The following DNAH12 variants were observed in gnomAD, a reference collection of about 807,000 sequenced individuals.
DNAH12 encodes the protein dynein axonemal heavy chain 12, also known as axonemal beta dynein heavy chain 12.
In DNAH12, 285 loss-of-function variants were observed where a neutral mutation model predicts 371.5. The observed-to-expected ratio is 0.77, with a 90% confidence interval of 0.70 to 0.85. The LOEUF is 0.85. Ranked by LOEUF, DNAH12 falls within the 40% of genes least tolerant of loss-of-function variation. The probability of loss-of-function intolerance (pLI) is 0.00; values close to 1 mark genes in which losing one functional copy is unlikely to be tolerated. For synonymous variants in DNAH12, 1,200 were observed against 1,213.0 expected (o/e 0.99, Z 0.22); for missense variants, 3,611 against 3,689.4 (o/e 0.98, Z 0.55).
chr3:57,294,059 G>C, intron 73 of DNAH12, 88 bp from the exon 74 acceptor site: 2 of 1,156,454 alleles, frequency 1.7e-6, no homozygotes, highest in Non-Finnish European at 1.2e-6. Context: ...TAATAAAATG[G>C]CCAGAACTAA....
intron 39 of DNAH12, among the ~76,000 whole-genome samples, chr3:57,409,117 C>T (rs2064127788): frequency 6.6e-6 from 1 of 151,876 alleles, no homozygotes; most frequent in Admixed American, 6.6e-5. Context: ...AGAAAGGGAC[C>T]CATTAGGGAA....
intron 13 of DNAH12, among the ~76,000 whole-genome samples, chr3:57,473,323 C>T (rs569549999): frequency 6.6e-6 from 1 of 152,134 alleles, no homozygotes; most frequent in South Asian, 2.1e-4. Context: ...CCCATCTCTA[C>T]TAAAAATACA....
intron 29 of DNAH12, among the ~76,000 whole-genome samples, chr3:57,444,419 T>C (rs2065409512): frequency 6.6e-6 from 1 of 152,116 alleles, no homozygotes; most frequent in South Asian, 2.1e-4. Context: ...CTCAAACTCC[T>C]GACCTCAGGT....
chr3:57,354,542 A>AAG (rs1168414776), intron 59 of DNAH12, among the ~76,000 whole-genome samples: 1 of 83,712 alleles, frequency 1.2e-5, no homozygotes, highest in Non-Finnish European at 3.3e-5. Flanking sequence ...GTTTGCTAAA[A>AAG]AAAAAAAGAA....
intron 62 of DNAH12, among the ~76,000 whole-genome samples, chr3:57,333,140 C>T (rs572890462): frequency 7.9e-5 from 12 of 151,986 alleles, no homozygotes; most frequent in African/African-American, 2.9e-4. Flanking sequence ...CACTCTGCCA[C>T]CCAGGCTGGA....
At position 57,342,635 on chromosome 3, in the gene DNAH12, G is replaced by A. The variant is rs112292554; in HGVS notation, c.9675-7695C>T. 4.7e-3 allele frequency among the ~76,000 whole-genome samples: 552 copies of A among 117,076 alleles called. 4 individuals carry two copies. The highest frequency in any genetic ancestry group is 0.017 in the African/African-American group (517 of 30,962). 76.8% of individuals were successfully genotyped at this position (117,076 alleles called of 152,430 possible). A position where few individuals can be genotyped will look rare whatever the true frequency, so the allele number is the denominator to read the frequency against. On this transcript the variant is annotated intron_variant, in intron 60 of 73. Transcript: ENST00000495027. ...ATCGCACCACTGCACTCCAGCCTGG[G>A]CGACAGACTGAGACTCAAAAAAAAA...
chr3:57,391,322 T>C lies in DNAH12; in HGVS notation c.7305+550A>G, dbSNP rs902383228. On this transcript the variant is annotated intron_variant, in intron 45 of 73. Coordinates refer to ENST00000495027, the MANE Select transcript of DNAH12 (RefSeq NM_001366028.2). ...CCTCCCCCAAATTCCTCCTGTATGA[T>C]TGCCTTCAAGCTAAGACATTATTTT... Among the ~76,000 whole-genome samples, 882 of 152,256 alleles carry C rather than the reference T, an allele frequency of 5.8e-3. 7 individuals carry two copies. The highest frequency in any genetic ancestry group is 0.02 in the African/African-American group (832 of 41,548).
At chr3:57,520,652 A>G (rs2068392684) in intron 4 of DNAH12, among the ~76,000 whole-genome samples, 1 of 151,244 alleles carries the variant, frequency 6.6e-6, no homozygotes, top group African/African-American at 2.4e-5. Context: ...CGTGTTAGCC[A>G]GGATGGTCTC....
At chr3:57,323,305 T>C in intron 63 of DNAH12, 45 bp from the exon 64 acceptor site, 1 of 1,524,226 alleles carries the variant, frequency 6.6e-7, no homozygotes, top group Non-Finnish European at 8.8e-7. Context: ...ACTCTAAAAT[T>C]ATAAAAAAGT....
chr3:57,413,388 A>C (rs1460616199), intron 39 of DNAH12, among the ~76,000 whole-genome samples: 1 of 152,190 alleles, frequency 6.6e-6, no homozygotes, highest in Non-Finnish European at 1.5e-5. Flanking sequence ...ACATTTCTCC[A>C]AACCCATAGC....
At chr3:57,300,973 A>G (rs1309691522) in intron 70 of DNAH12, among the ~76,000 whole-genome samples, 1 of 152,022 alleles carries the variant, frequency 6.6e-6, no homozygotes, top group African/African-American at 2.4e-5. Context: ...GTTTTCTGAG[A>G]TAAGAGGCAC....
At chr3:57,319,219 T>C (rs2061751248) in intron 65 of DNAH12, among the ~76,000 whole-genome samples, 1 of 152,350 alleles carries the variant, frequency 6.6e-6, no homozygotes, top group South Asian at 2.1e-4. Flanking sequence ...GTTGATTTTG[T>C]ACCCTAAACT....
intron 70 of DNAH12, among the ~76,000 whole-genome samples, chr3:57,299,659 T>G (rs1194425042): frequency 6.6e-6 from 1 of 152,138 alleles, no homozygotes; most frequent in East Asian, 1.9e-4. Flanking sequence ...GGTGGAGCCC[T>G]CATGATAGGA....
At chr3:57,344,589 A>C (rs1312764530) in intron 60 of DNAH12, among the ~76,000 whole-genome samples, 1 of 152,206 alleles carries the variant, frequency 6.6e-6, no homozygotes, top group Non-Finnish European at 1.5e-5. Flanking sequence ...GTATACATAC[A>C]CAATGGAATA....
intron 39 of DNAH12, among the ~76,000 whole-genome samples, chr3:57,411,088 T>C (rs1189259562): frequency 6.6e-6 from 1 of 152,124 alleles, no homozygotes; most frequent in East Asian, 1.9e-4. Context: ...GCAGATAACA[T>C]GATGATCTAT....
rs1161959846 is a variant in DNAH12, at chr3:57,389,818, G to GTA, written c.7305+2053_7305+2054insTA. On this transcript the variant is annotated intron_variant, in intron 45 of 73. Coordinates refer to ENST00000495027, the MANE Select transcript of DNAH12 (RefSeq NM_001366028.2). ...CACATATGTGTGTGTGTGTGTGTGT[G>GTA]TGTGTATATATATATATATATAATA... Among the ~76,000 whole-genome samples, 223 of 66,892 alleles carry GTA rather than the reference G, an allele frequency of 3.3e-3. 2 individuals carry two copies. Among genetic ancestry groups the GTA allele is most frequent in the African/African-American group, 8.2e-3 (215 of 26,346 alleles). 43.9% of individuals were successfully genotyped at this position (66,892 alleles called of 152,430 possible). A position where few individuals can be genotyped will look rare whatever the true frequency, so the allele number is the denominator to read the frequency against.
chr3:57,311,727 T>C (rs2061588480), intron 66 of DNAH12, among the ~76,000 whole-genome samples: 1 of 152,198 alleles, frequency 6.6e-6, no homozygotes, highest in Non-Finnish European at 1.5e-5. Context: ...CCAATCATGC[T>C]AAGGCTGAGA....
At chr3:57,438,219 G>A (rs948217671) in intron 29 of DNAH12, among the ~76,000 whole-genome samples, 7 of 152,164 alleles carry the variant, frequency 4.6e-5, no homozygotes, top group Non-Finnish European at 1.0e-4. Context: ...GCTGAGGCAG[G>A]AGAATCGCTT....
intron 44 of DNAH12, among the ~76,000 whole-genome samples, chr3:57,393,523 G>A (rs2153347891): frequency 6.6e-6 from 1 of 151,144 alleles, no homozygotes; most frequent in African/African-American, 2.4e-5. Context: ...CTACTTGGGA[G>A]GCTGAGGCAG....
Sources: gnomAD v4.1 joint callset for allele counts (sites outside exome capture counted in the v4.1 genomes callset) on GRCh38, gnomAD v4.1.1 for gene constraint, MANE v1.5 for transcripts, NCBI Gene and HGNC (gene_info 2026-07-23, HGNC 2026-07-21) for gene names.